FMN2: variants seen among roughly 807,000 people sequenced by gnomAD.
FMN2 encodes the protein formin-2.
In FMN2, 51 loss-of-function variants were observed where a neutral mutation model predicts 142.3. That is an observed-to-expected ratio of 0.36 (90% CI 0.29 to 0.45). The LOEUF (loss-of-function observed/expected upper bound fraction) is 0.45, where lower values mean the gene tolerates loss of function less well. Among genes scored for constraint, FMN2 ranks in the 20% least tolerant of loss-of-function variants. FMN2 has a pLI of 1.00. For synonymous variants in FMN2, 882 were observed against 869.8 expected (o/e 1.01, Z -0.25); for missense variants, 1,936 against 2,122.8 (o/e 0.91, Z 1.73).
chr1:240,425,171 T>C (rs1239742623), intron 15 of FMN2, among the ~76,000 whole-genome samples: 1 of 147,190 alleles, frequency 6.8e-6, no homozygotes, highest in African/African-American at 2.5e-5. Flanking sequence ...TGGCTTCTCA[T>C]GAGGATCTCA....
At position 240,342,355 on chromosome 1, in the gene FMN2, A is replaced by C. The variant is rs1034000203; in HGVS notation, c.4765+8126A>C. ...TATAGCAGAAACATTTTTCCATACTATTTCATATACTTCAAAAACTGCTTA... is the reference window on the plus strand; with the variant it reads ...TATAGCAGAAACATTTTTCCATACTCTTTCATATACTTCAAAAACTGCTTA... On this transcript the variant is annotated intron_variant, in intron 13 of 17. Coordinates refer to ENST00000319653, the MANE Select transcript of FMN2 (RefSeq NM_020066.5). 3.3e-5 allele frequency among the ~76,000 whole-genome samples: 5 copies of C among 152,144 alleles called. No homozygotes were observed. The South Asian group carries it at 1.0e-3, about 31-fold the overall frequency.
At chr1:240,252,837 A>G (rs1293227398) in intron 6 of FMN2, among the ~76,000 whole-genome samples, 1 of 148,148 alleles carries the variant, frequency 6.8e-6, no homozygotes, top group Non-Finnish European at 1.5e-5. Flanking sequence ...TTTTTTAGCT[A>G]TTGTTCCACT....
At chr1:240,277,215 T>C (rs1669245375) in intron 7 of FMN2, among the ~76,000 whole-genome samples, 1 of 152,190 alleles carries the variant, frequency 6.6e-6, no homozygotes, top group African/African-American at 2.4e-5. Context: ...ACATTGAATA[T>C]TTGTCACAGT....
chr1:240,156,497 A>G (rs1664031412), intron 2 of FMN2, among the ~76,000 whole-genome samples: 1 of 152,188 alleles, frequency 6.6e-6, no homozygotes, highest in African/African-American at 2.4e-5. Context: ...CTACAGAGGT[A>G]ATGCAGAGTC....
chr1:240,205,975 T>C (rs1339358507), intron 4 of FMN2, among the ~76,000 whole-genome samples: 1 of 150,586 alleles, frequency 6.6e-6, no homozygotes, highest in Admixed American at 6.6e-5. Context: ...TGATCATAGA[T>C]TGCTGCAACC....
At chr1:240,418,329 T>A (rs1370254811) in intron 15 of FMN2, among the ~76,000 whole-genome samples, 1 of 151,710 alleles carries the variant, frequency 6.6e-6, no homozygotes, top group Non-Finnish European at 1.5e-5. Flanking sequence ...CCCAAGTAGC[T>A]GGGACTACAG....
chr1:240,170,864 C>T (rs1244295629), intron 2 of FMN2: 2 of 813,226 alleles, frequency 2.5e-6, no homozygotes, highest in Non-Finnish European at 4.4e-6. Context: ...TTTCCAAGGG[C>T]TAAAGAGTTT....
chr1:240,144,147 G>A, intron 2 of FMN2: 1 of 1,325,976 alleles, frequency 7.5e-7, no homozygotes, highest in South Asian at 1.2e-5. Flanking sequence ...AACAGATGCA[G>A]CTGCACTCAA....
intron 6 of FMN2, among the ~76,000 whole-genome samples, chr1:240,214,157 T>C (rs114794030): frequency 1.8e-3 from 278 of 152,342 alleles, no homozygotes; most frequent in African/African-American, 6.6e-3. Context: ...TATCAGAATA[T>C]AGTTTGACAT....
At chr1:240,399,113 A>G (rs1673886904) in intron 15 of FMN2, among the ~76,000 whole-genome samples, 1 of 152,152 alleles carries the variant, frequency 6.6e-6, no homozygotes, top group South Asian at 2.1e-4. Context: ...CAGGTTTTGA[A>G]TCCATGTCCT....
At chr1:240,430,343 C>T (rs1675119644) in intron 15 of FMN2, among the ~76,000 whole-genome samples, 2 of 152,060 alleles carry the variant, frequency 1.3e-5, no homozygotes, top group African/African-American at 2.4e-5. Context: ...AAGTGGTTTG[C>T]CATTTTACAC....
chr1:240,275,478 A>G (rs912942159), intron 7 of FMN2, among the ~76,000 whole-genome samples: 4 of 150,558 alleles, frequency 2.7e-5, no homozygotes, highest in Non-Finnish European at 3.0e-5. Context: ...TTTTTTTTTT[A>G]TCTAGTCTAT....
intron 2 of FMN2, among the ~76,000 whole-genome samples, chr1:240,148,339 T>C (rs1453170748): frequency 8.9e-6 from 1 of 111,924 alleles, no homozygotes; most frequent in Non-Finnish European, 1.9e-5. Context: ...GACAGACAGA[T>C]AAAGAGAGAA....
chr1:240,468,862 C>T (rs2103244507), intron 16 of FMN2, among the ~76,000 whole-genome samples: 1 of 152,294 alleles, frequency 6.6e-6, no homozygotes, highest in South Asian at 2.1e-4. Context: ...AGGCTGTCTT[C>T]GTACCGACTT....
At chr1:240,161,584 T>G (rs909744539) in intron 2 of FMN2, among the ~76,000 whole-genome samples, 23 of 151,646 alleles carry the variant, frequency 1.5e-4, no homozygotes, top group Admixed American at 1.4e-3. Context: ...GTATCAAGAC[T>G]TATTATAATG....
In FMN2 at chr1:240,220,041, G is replaced by A. The variant is rs149712849; in HGVS notation, c.4065+8806G>A. 5.0e-3 allele frequency among the ~76,000 whole-genome samples: 766 copies of A among 152,244 alleles called. 9 individuals are homozygous for A. The highest frequency in any genetic ancestry group is 0.018 in the African/African-American group (729 of 41,546). Reference sequence around the variant, plus strand: ...TAAAATTACTTTGGGACCTGAAACTGTCTGAAGTATTACTTTAGCAAGCTG... The same window carrying A: ...TAAAATTACTTTGGGACCTGAAACTATCTGAAGTATTACTTTAGCAAGCTG... On this transcript the variant is annotated intron_variant, in intron 6 of 17. Coordinates refer to ENST00000319653, the MANE Select transcript of FMN2 (RefSeq NM_020066.5).
chr1:240,183,562 T>TAC (rs961385713), intron 3 of FMN2, among the ~76,000 whole-genome samples: 2 of 150,838 alleles, frequency 1.3e-5, no homozygotes, highest in African/African-American at 4.9e-5. Flanking sequence ...CATGTATATA[T>TAC]ACACACACAC....
intron 8 of FMN2, among the ~76,000 whole-genome samples, chr1:240,320,103 A>G (rs1478629318): frequency 1.3e-5 from 2 of 152,170 alleles, no homozygotes; most frequent in Admixed American, 6.5e-5. Flanking sequence ...TTTCATTTAT[A>G]GGCAAACACA....
intron 6 of FMN2, among the ~76,000 whole-genome samples, chr1:240,240,380 C>A (rs1386723574): frequency 2.6e-5 from 4 of 152,138 alleles, no homozygotes; most frequent in Non-Finnish European, 5.9e-5. Flanking sequence ...TATTATGCAC[C>A]AAATAATGTT....
Sources: allele counts gnomAD v4.1 joint callset (sites outside exome capture counted in the v4.1 genomes callset), GRCh38; gene constraint gnomAD v4.1.1; transcripts MANE v1.5; gene names NCBI Gene and HGNC (gene_info 2026-07-23, HGNC 2026-07-21).